Variants in GABRA2 observed in about 807,000 individuals in gnomAD.
GABRA2 encodes gamma-aminobutyric acid type A receptor subunit alpha2.
Under a neutral mutation model 48.7 loss-of-function variants are expected in GABRA2, and 16 were observed. That is an observed-to-expected ratio of 0.33 (90% CI 0.22 to 0.50). The LOEUF (loss-of-function observed/expected upper bound fraction) is 0.50. Ranked by LOEUF, GABRA2 falls within the 20% of genes least tolerant of loss-of-function variation. The probability of loss-of-function intolerance (pLI) is 0.98; values close to 1 mark genes in which losing one functional copy is unlikely to be tolerated. For synonymous variants in GABRA2, 185 were observed against 184.5 expected (o/e 1.00, Z -0.02); for missense variants, 275 against 535.6 (o/e 0.51, Z 4.80).
intron 8 of GABRA2, among the ~76,000 whole-genome samples, chr4:46,292,698 G>C (rs1048592406): frequency 3.3e-5 from 5 of 152,154 alleles, no homozygotes; most frequent in African/African-American, 1.2e-4. Flanking sequence ...GGAAATGCCT[G>C]ATCTCTCTTG....
At position 46,390,068 on chromosome 4, in the gene GABRA2, TG is replaced by T; in HGVS notation, c.-345del. On this transcript the variant is annotated 5_prime_UTR_variant, in exon 1 of 10. Coordinates refer to ENST00000381620, the MANE Select transcript of GABRA2 (RefSeq NM_000807.4). ...AGGAGCTGGGGCCGGGGGGGGAAAT[TG>T]GGGGGACGCGGGCGGAGGCGCGGTG... 6.5e-5 allele frequency: 5 copies of T among 77,484 alleles called. No homozygotes were observed. The highest frequency in any genetic ancestry group is 7.7e-5 in the Non-Finnish European group (5 of 64,976). The allele number at this position is 77,484 out of a possible 1,614,324, so 4.8% of individuals were successfully genotyped here.
chr4:46,284,282 A>G (rs1367396841), intron 8 of GABRA2, among the ~76,000 whole-genome samples: 4 of 152,186 alleles, frequency 2.6e-5, no homozygotes, highest in African/African-American at 4.8e-5. Context: ...AGCTATATGT[A>G]TGTATAACAA....
At chr4:46,314,035 T>C (rs2109703246) in intron 4 of GABRA2, among the ~76,000 whole-genome samples, 1 of 152,272 alleles carries the variant, frequency 6.6e-6, no homozygotes, top group East Asian at 1.9e-4. Context: ...ACAGAGGCTC[T>C]GGGCTGTTAA....
rs185372749 is a variant in GABRA2 at position 46,280,811 on chromosome 4, C to A, written c.857-18683G>T. Among the ~76,000 whole-genome samples, 3 of 152,150 alleles carry A rather than the reference C, an allele frequency of 2.0e-5. No homozygotes were observed. In the East Asian group the frequency reaches 5.8e-4, roughly 29 times the overall value. On this transcript the variant is annotated intron_variant, in intron 8 of 9. Coordinates refer to ENST00000381620, the MANE Select transcript of GABRA2 (RefSeq NM_000807.4). The stretch of plus-strand genomic sequence containing the variant: ...AGAAGAATCTGTCATAATGGTGGAG[C>A]CCTGATCAAAATGGGATTAGTGTGG...
intron 4 of GABRA2, among the ~76,000 whole-genome samples, chr4:46,330,581 T>TAGAGAGAGAG (rs1208739474): frequency 9.5e-6 from 1 of 105,316 alleles, no homozygotes; most frequent in African/African-American, 3.4e-5. Context: ...TATATATATA[T>TAGAGAGAGAG]ATATATATAT....
chr4:46,369,679 C>T (rs1044923259), intron 3 of GABRA2, among the ~76,000 whole-genome samples: 3 of 151,952 alleles, frequency 2.0e-5, no homozygotes, highest in Non-Finnish European at 4.4e-5. Flanking sequence ...CTGTTATATC[C>T]TAAAAATATT....
chr4:46,358,084 A>G (rs560213175), intron 3 of GABRA2, among the ~76,000 whole-genome samples: 1 of 152,308 alleles, frequency 6.6e-6, no homozygotes, highest in East Asian at 1.9e-4. Flanking sequence ...TTTCCTGGAC[A>G]TAGTAAGCAC....
intron 9 of GABRA2, among the ~76,000 whole-genome samples, chr4:46,254,987 C>G (rs569179464): frequency 6.6e-6 from 1 of 151,698 alleles, no homozygotes; most frequent in African/African-American, 2.4e-5. Context: ...ACTGATTCAG[C>G]TCTGAGTCAC....
intron 3 of GABRA2, among the ~76,000 whole-genome samples, chr4:46,341,032 T>C (rs977003462): frequency 6.6e-6 from 1 of 152,016 alleles, no homozygotes; most frequent in African/African-American, 2.4e-5. Context: ...TTAAAGGTTT[T>C]ATTTCTGTTG....
Position 46,331,741 on chromosome 4 carries a change from T to C in GABRA2, c.255+874A>G, listed in dbSNP as rs78344774. On this transcript the variant is annotated intron_variant, in intron 4 of 9. Transcript: ENST00000381620. ...TCTCATTTTATTGTATTTTAATTGA[T>C]TGATTGATTGGAGACAGGGTCTCAC... 1.7e-3 allele frequency among the ~76,000 whole-genome samples: 257 copies of C among 152,264 alleles called. 4 individuals are homozygous for C. The East Asian group carries it at 0.028, about 17-fold the overall frequency.
chr4:46,362,896 G>C (rs1040172902), intron 3 of GABRA2, among the ~76,000 whole-genome samples: 2 of 152,184 alleles, frequency 1.3e-5, no homozygotes, highest in Admixed American at 6.5e-5. Flanking sequence ...GTGCCATAGA[G>C]ATAAAACAAG....
intron 3 of GABRA2, chr4:46,364,397 A>C (rs1184687162): frequency 2.0e-5 from 3 of 152,156 alleles, no homozygotes; most frequent in Non-Finnish European, 4.4e-5. Flanking sequence ...ATTATTACAA[A>C]CTTAACAATG....
chr4:46,310,089 GA>G (rs919080412), intron 6 of GABRA2, 83 bp downstream of exon 6: 28 of 926,842 alleles, frequency 3.0e-5, no homozygotes, highest in Middle Eastern at 2.2e-4. Flanking sequence ...CATAATTTGA[GA>G]AAAAAACTAG....
chr4:46,356,310 C>T (rs1735951896), intron 3 of GABRA2, among the ~76,000 whole-genome samples: 1 of 151,976 alleles, frequency 6.6e-6, no homozygotes, highest in Non-Finnish European at 1.5e-5. Context: ...CAAAGCCAAT[C>T]TATCTGTCAA....
intron 2 of GABRA2, among the ~76,000 whole-genome samples, chr4:46,387,304 T>A (rs1039985598): frequency 6.6e-6 from 1 of 152,180 alleles, no homozygotes; most frequent in African/African-American, 2.4e-5. Context: ...TAAAAGACAA[T>A]ATGTAATTAC....
In GABRA2 at chr4:46,324,904, T is replaced by C. The variant is rs144010044; in HGVS notation, c.255+7711A>G. Among the ~76,000 whole-genome samples the C allele has an allele frequency of 3.9e-5, 6 of 152,136 alleles. No individual in the cohort carries two copies. The East Asian group carries it at 1.2e-3, about 30-fold the overall frequency. The stretch of plus-strand genomic sequence containing the variant: ...TACTGCAAAGGACATAATTTCATTA[T>C]TTTTTATGGCTGCATAGTTTTCCAA... On this transcript the variant is annotated intron_variant, in intron 4 of 9. Transcript: ENST00000381620.
chr4:46,255,243 C>T lies in GABRA2; in HGVS notation c.1060-4639G>A, dbSNP rs559986428. Among the ~76,000 whole-genome samples, 10 of 150,842 alleles carry T rather than the reference C, an allele frequency of 6.6e-5. No homozygotes were observed. The South Asian group carries it at 1.5e-3, about 22-fold the overall frequency. Reference sequence around the variant, plus strand: ...ATAAATGAGTGGCATGTAACTAAAACGCTTACTATGATAAAAATGTATATA... The same window carrying T: ...ATAAATGAGTGGCATGTAACTAAAATGCTTACTATGATAAAAATGTATATA... On this transcript the variant is annotated intron_variant, in intron 9 of 9. Transcript: ENST00000381620.
At chr4:46,280,835 G>A (rs1474503949) in intron 8 of GABRA2, among the ~76,000 whole-genome samples, 1 of 152,136 alleles carries the variant, frequency 6.6e-6, no homozygotes, top group Non-Finnish European at 1.5e-5. Context: ...GGATTAGTGT[G>A]GTTATAAGAA....
At chr4:46,325,254 A>AT (rs1730158208) in intron 4 of GABRA2, among the ~76,000 whole-genome samples, 1 of 151,662 alleles carries the variant, frequency 6.6e-6, no homozygotes, top group Non-Finnish European at 1.5e-5. Flanking sequence ...CAACATGTTA[A>AT]TTTTTTACTT....
Sources: allele counts gnomAD v4.1 joint callset (sites outside exome capture counted in the v4.1 genomes callset), GRCh38; gene constraint gnomAD v4.1.1; transcripts MANE v1.5; gene names NCBI Gene and HGNC (gene_info 2026-07-23, HGNC 2026-07-21).